Variants in ARHGAP15 observed in about 807,000 individuals in gnomAD.
ARHGAP15 encodes the protein rho GTPase-activating protein 15.
Under a neutral mutation model 63.7 loss-of-function variants are expected in ARHGAP15, and 51 were observed. The observed-to-expected ratio is 0.80, with a 90% CI of 0.64 to 1.01. ARHGAP15 has a LOEUF of 1.01. ARHGAP15 is among the 50% of genes least tolerant of loss of function. The pLI is 0.00. For missense variants in ARHGAP15, 560 were observed against 564.6 expected, an observed-to-expected ratio of 0.99 and a Z score of 0.08; for synonymous variants, 191 against 193.8, an observed-to-expected ratio of 0.99 and a Z score of 0.12.
chr2:143,201,391 G>T (rs1054697636), intron 2 of ARHGAP15, among the ~76,000 whole-genome samples: 2 of 152,028 alleles, frequency 1.3e-5, no homozygotes, highest in Admixed American at 6.6e-5. Flanking sequence ...TACATAATGG[G>T]CATATATATG....
intron 11 of ARHGAP15, among the ~76,000 whole-genome samples, chr2:143,577,386 AACAT>A (rs1406903180): frequency 1.3e-5 from 2 of 152,170 alleles, no homozygotes; most frequent in Non-Finnish European, 2.9e-5. Context: ...CAGAAAATAA[AACAT>A]ACAAGTGAAT....
At chr2:143,528,758 G>A (rs1239208878) in intron 10 of ARHGAP15, among the ~76,000 whole-genome samples, 1 of 152,088 alleles carries the variant, frequency 6.6e-6, no homozygotes, top group Non-Finnish European at 1.5e-5. Context: ...CTATAGAACA[G>A]TTGCACACCT....
chr2:143,644,450 TGAGAG>T lies in ARHGAP15; in HGVS notation c.1138+20188_1138+20192del, dbSNP rs566455889. ...TATATGATCAGCTTCCGGGGAGAAA[TGAGAG>T]GAGAAAGGAGTGCAGGCAAAGATCA... On this transcript the variant is annotated intron_variant, in intron 12 of 13. Transcript: ENST00000295095. Among the ~76,000 whole-genome samples the T allele has an allele frequency of 1.8e-3, 269 of 151,920 alleles. 1 individual carries two copies. The highest frequency in any genetic ancestry group is 6.1e-3 in the African/African-American group (251 of 41,454).
At chr2:143,467,242 CTTTTTT>C (rs202115707) in intron 8 of ARHGAP15, among the ~76,000 whole-genome samples, 3 of 57,892 alleles carry the variant, frequency 5.2e-5, no homozygotes, top group Admixed American at 2.5e-4. Flanking sequence ...ACTCCATGGC[CTTTTTT>C]TTTTTTTTTT....
At chr2:143,740,222 T>C (rs544444931) in intron 13 of ARHGAP15, among the ~76,000 whole-genome samples, 20 of 152,356 alleles carry the variant, frequency 1.3e-4, no homozygotes, top group East Asian at 9.6e-4. Context: ...AGCGTAATTA[T>C]ATCTCTTATT....
At chr2:143,711,102 C>T (rs1450996924) in intron 13 of ARHGAP15, among the ~76,000 whole-genome samples, 1 of 152,116 alleles carries the variant, frequency 6.6e-6, no homozygotes, top group Non-Finnish European at 1.5e-5. Flanking sequence ...TATGTTTTGC[C>T]TATGGCTGCT....
chr2:143,583,530 G>T (rs200637181), intron 11 of ARHGAP15, among the ~76,000 whole-genome samples: 10 of 76,756 alleles, frequency 1.3e-4, no homozygotes, highest in African/African-American at 6.4e-4. Flanking sequence ...AGACAAAAAT[G>T]GGGGGGGTGG....
At chr2:143,346,240 A>ACACACTCT (rs1251167389) in intron 6 of ARHGAP15, among the ~76,000 whole-genome samples, 1 of 143,612 alleles carries the variant, frequency 7.0e-6, no homozygotes, top group African/African-American at 2.7e-5. Flanking sequence ...TCTCTCTCAC[A>ACACACTCT]CACACACACT....
chr2:143,382,260 T>TA (rs1687092236), intron 6 of ARHGAP15, among the ~76,000 whole-genome samples: 2 of 152,138 alleles, frequency 1.3e-5, no homozygotes, highest in Non-Finnish European at 2.9e-5. Context: ...CAGTAACCTC[T>TA]TGTCTCACTG....
intron 13 of ARHGAP15, among the ~76,000 whole-genome samples, chr2:143,739,098 A>AC (rs1278860206): frequency 5.3e-5 from 8 of 152,114 alleles, no homozygotes; most frequent in Non-Finnish European, 8.8e-5. Flanking sequence ...GAGAAGACTG[A>AC]CCCAGTGATG....
chr2:143,300,322 T>G (rs1682838572), intron 6 of ARHGAP15, among the ~76,000 whole-genome samples: 1 of 152,028 alleles, frequency 6.6e-6, no homozygotes, highest in Non-Finnish European at 1.5e-5. Context: ...GAAGAATTAA[T>G]TGCTAATACT....
At chr2:143,601,221 A>G (rs1396506414) in intron 11 of ARHGAP15, among the ~76,000 whole-genome samples, 1 of 152,124 alleles carries the variant, frequency 6.6e-6, no homozygotes, top group Admixed American at 6.6e-5. Flanking sequence ...ACAATGTGGT[A>G]GTCTCTATAT....
chr2:143,495,794 A>G (rs1692789268), intron 9 of ARHGAP15, among the ~76,000 whole-genome samples: 1 of 152,206 alleles, frequency 6.6e-6, no homozygotes, highest in Admixed American at 6.5e-5. Context: ...AATTTAAGCA[A>G]AATATATATG....
intron 12 of ARHGAP15, among the ~76,000 whole-genome samples, chr2:143,663,649 G>T (rs1404346435): frequency 1.3e-5 from 2 of 152,106 alleles, no homozygotes; most frequent in Non-Finnish European, 2.9e-5. Context: ...AGACCCATCA[G>T]TGTGCTGTAT....
intron 12 of ARHGAP15, among the ~76,000 whole-genome samples, chr2:143,637,054 C>A (rs942951641): frequency 6.6e-6 from 1 of 152,006 alleles, no homozygotes; most frequent in Non-Finnish European, 1.5e-5. Flanking sequence ...TGTAAGGGCA[C>A]TAATCCTACC....
chr2:143,190,612 T>C lies in ARHGAP15; in HGVS notation c.166-11522T>C, dbSNP rs1691647774. 2.6e-5 allele frequency among the ~76,000 whole-genome samples: 4 copies of C among 152,120 alleles called. No individual in the cohort carries two copies. The South Asian group carries it at 8.3e-4, about 32-fold the overall frequency. On this transcript the variant is annotated intron_variant, in intron 2 of 13. Transcript: ENST00000295095. ...CTTGTTTAATTTTGTCTCATGAAGG[T>C]CTGGGAGCCGTCAGCTGACTATTTG... is the stretch of plus-strand genomic sequence containing the variant.
chr2:143,465,475 G>C (rs771237818), intron 8 of ARHGAP15, among the ~76,000 whole-genome samples: 1 of 152,146 alleles, frequency 6.6e-6, no homozygotes, highest in Non-Finnish European at 1.5e-5. Flanking sequence ...TATTGAAAAT[G>C]TAGCAAATCT....
chr2:143,136,184 A>G (rs1689129419), intron 1 of ARHGAP15, among the ~76,000 whole-genome samples: 1 of 152,156 alleles, frequency 6.6e-6, no homozygotes, highest in South Asian at 2.1e-4. Context: ...CTTCCTACCC[A>G]AAGTTTCATC....
chr2:143,316,800 C>T (rs903862453), intron 6 of ARHGAP15, among the ~76,000 whole-genome samples: 1 of 151,840 alleles, frequency 6.6e-6, no homozygotes, highest in Admixed American at 6.6e-5. Context: ...CCATTATTTC[C>T]AGCCTAGATT....
Sources: gnomAD v4.1 joint callset for allele counts (sites outside exome capture counted in the v4.1 genomes callset) on GRCh38, gnomAD v4.1.1 for gene constraint, MANE v1.5 for transcripts, NCBI Gene and HGNC (gene_info 2026-07-23, HGNC 2026-07-21) for gene names.